Variants in SPIDR observed in about 807,000 individuals in gnomAD.
The protein encoded by SPIDR is scaffold protein involved in DNA repair.
SPIDR carries 93 observed loss-of-function variants against 104.6 expected under a neutral mutation model. The ratio of observed to expected loss-of-function variants is 0.89; its 90% CI spans 0.75 to 1.06. The LOEUF is 1.06. Ranked by LOEUF, SPIDR falls within the 50% of genes least tolerant of loss-of-function variation. The pLI is 0.00. For synonymous variants in SPIDR, 431 were observed against 416.9 expected (o/e 1.03, Z -0.41); for missense variants, 1,154 against 1,111.2 (o/e 1.04, Z -0.55).
rs2086204350 is a variant in SPIDR at position 47,735,969 on chromosome 8, G to GA, written c.*522dup. ...TGTTCTAGGGAACTGTATCACAGGTGAAACTGTTACCCATAAAGTGTAGCT... is the reference window on the plus strand; with the variant it reads ...TGTTCTAGGGAACTGTATCACAGGTGAAAACTGTTACCCATAAAGTGTAGCT... On this transcript the variant is annotated 3_prime_UTR_variant, in exon 20 of 20. Transcript: ENST00000297423. 9.3e-6 allele frequency: 2 copies of GA among 215,440 alleles called. No homozygotes were observed. Among genetic ancestry groups the GA allele is most frequent in the African/African-American group, 4.7e-5 (2 of 42,252 alleles). 13.3% of individuals were successfully genotyped at this position (215,440 alleles called of 1,614,324 possible). A position where few individuals can be genotyped will look rare whatever the true frequency, so the allele number is the denominator to read the frequency against.
chr8:47,498,172 CCTCT>C (rs373872907), intron 8 of SPIDR, among the ~76,000 whole-genome samples: 2 of 151,814 alleles, frequency 1.3e-5, no homozygotes, highest in Non-Finnish European at 2.9e-5. Flanking sequence ...ACAGATGATG[CCTCT>C]CTCTCTCTGT....
chr8:47,438,903 A>G (rs2068859590), intron 7 of SPIDR, among the ~76,000 whole-genome samples: 1 of 152,194 alleles, frequency 6.6e-6, no homozygotes, highest in African/African-American at 2.4e-5. Flanking sequence ...AAAGAAATAG[A>G]TGATTAAAAT....
chr8:47,604,376 T>C (rs1480709934), intron 10 of SPIDR, among the ~76,000 whole-genome samples: 1 of 152,186 alleles, frequency 6.6e-6, no homozygotes, highest in African/African-American at 2.4e-5. Context: ...TAGTGGACCA[T>C]GTGCAGGAGC....
At chr8:47,623,303 C>T (rs959111496) in intron 10 of SPIDR, among the ~76,000 whole-genome samples, 2 of 152,126 alleles carry the variant, frequency 1.3e-5, no homozygotes, top group East Asian at 1.9e-4. Context: ...TAAAGACCAT[C>T]GAGGCTAGGA....
intron 10 of SPIDR, among the ~76,000 whole-genome samples, chr8:47,626,230 A>G (rs1306929622): frequency 2.0e-5 from 3 of 152,202 alleles, no homozygotes; most frequent in African/African-American, 4.8e-5. Context: ...CTTATACACA[A>G]ATTAATTCAA....
At chr8:47,284,789 G>T (rs1410968962) in intron 3 of SPIDR, among the ~76,000 whole-genome samples, 1 of 152,202 alleles carries the variant, frequency 6.6e-6, no homozygotes, top group Non-Finnish European at 1.5e-5. Context: ...ACTAGAACCT[G>T]TTACAAACGG....
chr8:47,373,315 A>G (rs2058263215), intron 5 of SPIDR, among the ~76,000 whole-genome samples: 1 of 152,194 alleles, frequency 6.6e-6, no homozygotes, highest in African/African-American at 2.4e-5. Flanking sequence ...TATTTAGGGT[A>G]TATTAAACAT....
intron 5 of SPIDR, among the ~76,000 whole-genome samples, chr8:47,380,890 T>C (rs1412239498): frequency 2.6e-5 from 4 of 152,170 alleles, no homozygotes; most frequent in Non-Finnish European, 5.9e-5. Context: ...AAGCACACCA[T>C]GTAAACAGTG....
chr8:47,488,609 A>C (rs1351246582), intron 8 of SPIDR, among the ~76,000 whole-genome samples: 2 of 152,234 alleles, frequency 1.3e-5, no homozygotes, highest in Non-Finnish European at 2.9e-5. Context: ...TCAGTAAAAT[A>C]CTGGCAAACC....
intron 8 of SPIDR, among the ~76,000 whole-genome samples, chr8:47,537,794 G>T (rs2087191797): frequency 6.6e-6 from 1 of 152,190 alleles, no homozygotes; most frequent in Non-Finnish European, 1.5e-5. Context: ...AGATAGGTGA[G>T]AGGGTATATG....
intron 11 of SPIDR, among the ~76,000 whole-genome samples, chr8:47,680,574 TG>T (rs2076971416): frequency 2.0e-5 from 3 of 152,206 alleles, no homozygotes; most frequent in African/African-American, 7.2e-5. Flanking sequence ...GAGCTCTCCG[TG>T]GGTAAGAAAC....
intron 5 of SPIDR, among the ~76,000 whole-genome samples, chr8:47,378,873 A>G (rs1471517294): frequency 3.9e-5 from 6 of 152,214 alleles, no homozygotes; most frequent in Non-Finnish European, 8.8e-5. Context: ...TTTGCTTTAC[A>G]GTTGAGTGTT....
chr8:47,303,230 A>G (rs1280888106), intron 5 of SPIDR, among the ~76,000 whole-genome samples: 2 of 152,234 alleles, frequency 1.3e-5, no homozygotes, highest in South Asian at 2.1e-4. Context: ...CCGTGGGCGT[A>G]GGACTCTCCG....
chr8:47,328,437 A>T (rs1389240028), intron 5 of SPIDR, among the ~76,000 whole-genome samples: 1 of 148,956 alleles, frequency 6.7e-6, no homozygotes, highest in Non-Finnish European at 1.5e-5. Flanking sequence ...TTTTTTTCAG[A>T]GATGGGGTCT....
intron 8 of SPIDR, among the ~76,000 whole-genome samples, chr8:47,513,413 A>G (rs2082659279): frequency 6.6e-6 from 1 of 152,228 alleles, no homozygotes; most frequent in Non-Finnish European, 1.5e-5. Context: ...TACAATCTAT[A>G]CGTCTGTATT....
intron 8 of SPIDR, among the ~76,000 whole-genome samples, chr8:47,589,022 G>GTTTTTTTTTT (rs1168001066): frequency 1.8e-3 from 157 of 89,030 alleles, no homozygotes; most frequent in African/African-American, 2.3e-3. Context: ...TTTATAGTTT[G>GTTTTTTTTTT]TTTTTTTTTT....
chr8:47,401,386 T>C (rs2061862237), intron 6 of SPIDR, among the ~76,000 whole-genome samples: 1 of 152,146 alleles, frequency 6.6e-6, no homozygotes, highest in East Asian at 1.9e-4. Flanking sequence ...ACATGCCAAA[T>C]TGTAAAGACC....
chr8:47,633,078 A>G (rs1010389343), intron 10 of SPIDR, among the ~76,000 whole-genome samples: 2 of 152,244 alleles, frequency 1.3e-5, no homozygotes, highest in Non-Finnish European at 2.9e-5. Flanking sequence ...CAGCATAAAA[A>G]CAATTATTCT....
rs1184916038 is a variant in SPIDR, at chr8:47,342,815, ACTG to A, written c.525+48786_525+48788del. Among the ~76,000 whole-genome samples, 4 of 152,224 alleles carry A rather than the reference ACTG, an allele frequency of 2.6e-5. No individual in the cohort carries two copies. In the East Asian group the frequency reaches 7.7e-4, roughly 29 times the overall value. ...TAGGCTGTACTGTATTAATAGAGTC[ACTG>A]GGAGCATTTTCCCAACATGTTCTTA... On this transcript the variant is annotated intron_variant, in intron 5 of 19. Coordinates refer to ENST00000297423, the MANE Select transcript of SPIDR (RefSeq NM_001080394.4).
Sources: gnomAD v4.1 joint callset for allele counts (sites outside exome capture counted in the v4.1 genomes callset) on GRCh38, gnomAD v4.1.1 for gene constraint, MANE v1.5 for transcripts, NCBI Gene and HGNC (gene_info 2026-07-23, HGNC 2026-07-21) for gene names.